The following LZTFL1 variants were observed in gnomAD, a reference collection of about 807,000 sequenced individuals.
The protein encoded by LZTFL1 is leucine zipper transcription factor like 1, also known as leucine zipper transcription factor-like protein 1.
LZTFL1 carries 25 observed loss-of-function variants against 45.9 expected under a neutral mutation model. That is an observed-to-expected ratio of 0.54 (90% CI 0.40 to 0.76). The LOEUF is 0.76. Among genes scored for constraint, LZTFL1 ranks in the 30% least tolerant of loss-of-function variants. The pLI is 0.00. For missense variants in LZTFL1, 277 were observed against 331.1 expected, an observed-to-expected ratio of 0.84 and a Z score of 1.27; for synonymous variants, 93 against 117.4, an observed-to-expected ratio of 0.79 and a Z score of 1.35.
At chr3:45,849,827 T>C (rs1701280981) in intron 4 of LZTFL1, among the ~76,000 whole-genome samples, 1 of 152,256 alleles carries the variant, frequency 6.6e-6, no homozygotes, top group Admixed American at 6.5e-5. Context: ...AATTTGGTTT[T>C]ATTTTAAAAT....
intron 4 of LZTFL1, among the ~76,000 whole-genome samples, chr3:45,847,822 T>C (rs930965011): frequency 6.6e-6 from 1 of 152,274 alleles, no homozygotes; most frequent in African/African-American, 2.4e-5. Flanking sequence ...ATTTTGGTGC[T>C]CATTTCTCTT....
chr3:45,835,533 C>T, intron 3 of LZTFL1, 57 bp downstream of exon 3: 1 of 1,525,668 alleles, frequency 6.6e-7, no homozygotes, highest in South Asian at 1.1e-5. Context: ...TGTTCACTAA[C>T]TTTTAAGATT....
At chr3:45,872,542 G>A (rs1365411382) in intron 2 of LZTFL1, among the ~76,000 whole-genome samples, 2 of 152,158 alleles carry the variant, frequency 1.3e-5, no homozygotes, top group African/African-American at 4.8e-5. Context: ...TGAGCATGAG[G>A]ACTTCCTGGG....
In LZTFL1 at chr3:45,824,956, A is replaced by T; in HGVS notation, c.*1358T>A. On this transcript the variant is annotated 3_prime_UTR_variant, in exon 10 of 10. Coordinates refer to ENST00000296135, the MANE Select transcript of LZTFL1 (RefSeq NM_020347.4). The stretch of plus-strand genomic sequence containing the variant: ...ATTCTCTCCCTTCTCTCATCCATTC[A>T]TCTTCTTAAGACTGCCTTCTGTGTC... 2.5e-6 allele frequency: 1 copy of T among 398,334 alleles called. No homozygotes were observed. Among genetic ancestry groups the T allele is most frequent in the Admixed American group, 4.4e-5 (1 of 22,726 alleles). The allele number at this position is 398,334 out of a possible 1,614,324, so 24.7% of individuals were successfully genotyped here. A position where few individuals can be genotyped will look rare whatever the true frequency, so the allele number is the denominator to read the frequency against.
At chr3:45,855,164 T>A (rs1701370191) in intron 3 of LZTFL1, 1 of 754,028 alleles carries the variant, frequency 1.3e-6, no homozygotes, top group East Asian at 2.8e-5. Flanking sequence ...AAATCCTCAA[T>A]AAAATACTGG....
intron 2 of LZTFL1, among the ~76,000 whole-genome samples, chr3:45,883,472 T>C (rs535357656): frequency 1.3e-5 from 2 of 152,316 alleles, no homozygotes; most frequent in South Asian, 4.1e-4. Context: ...TCTCAAACCT[T>C]TTCCTCAAAG....
intron 4 of LZTFL1, among the ~76,000 whole-genome samples, chr3:45,849,241 T>C (rs911488155): frequency 6.6e-6 from 1 of 152,140 alleles, no homozygotes; most frequent in Non-Finnish European, 1.5e-5. Context: ...GGAAAATCCC[T>C]GAATTGAACC....
At chr3:45,883,726 C>T in intron 2 of LZTFL1, 3 of 568,204 alleles carry the variant, frequency 5.3e-6, no homozygotes, top group Non-Finnish European at 9.8e-6. Context: ...GCTGAAAGTG[C>T]CAAAAGGCCT....
Position 45,826,284 on chromosome 3 carries a change from T to C in LZTFL1, c.*30A>G. On this transcript the variant is annotated 3_prime_UTR_variant, in exon 10 of 10. Transcript: ENST00000296135. ...AGGTGAGACTGCTTGTATGTTTGCA[T>C]GTGGTAGCTTCCAGAGGAAATCTTC... is the stretch of plus-strand genomic sequence containing the variant. 6.2e-7 allele frequency: 1 copy of C among 1,607,148 alleles called. No individual in the cohort carries two copies. Among genetic ancestry groups the C allele is most frequent in the Non-Finnish European group, 8.5e-7 (1 of 1,173,952 alleles).
chr3:45,827,010 T>C (rs552110747), intron 9 of LZTFL1: 17 of 216,366 alleles, frequency 7.9e-5, no homozygotes, highest in Non-Finnish European at 1.4e-4. Context: ...GACCAGTTCT[T>C]GGACTGCTTA....
chr3:45,893,000 A>C (rs535307467), intron 2 of LZTFL1, among the ~76,000 whole-genome samples: 120 of 152,306 alleles, frequency 7.9e-4, no homozygotes, highest in Admixed American at 2.7e-3. Flanking sequence ...AATAAACTGC[A>C]AATATTAAAA....
In LZTFL1 at chr3:45,901,279, A is replaced by G; in HGVS notation, c.-215+11841T>C. On this transcript the variant is annotated intron_variant, in intron 2 of 4. Transcript: ENST00000472635. The surrounding 1 kb of genome is among the most constrained non-coding windows in gnomAD (Gnocchi z 4.3). ...ACTTGGAGGGAGAAAAGGCTTTTGT[A>G]CAGCAAAATGGTTTGCTTTACCATC... 6.2e-7 allele frequency: 1 copy of G among 1,614,206 alleles called. No individual in the cohort carries two copies. The highest frequency in any genetic ancestry group is 8.5e-7 in the Non-Finnish European group (1 of 1,180,038).
chr3:45,894,250 C>T (rs756981898), intron 2 of LZTFL1, among the ~76,000 whole-genome samples: 1 of 152,198 alleles, frequency 6.6e-6, no homozygotes, highest in Non-Finnish European at 1.5e-5. Context: ...TTCTTCAGTA[C>T]ACAAACCTAG....
intron 2 of LZTFL1, among the ~76,000 whole-genome samples, chr3:45,875,805 TAGA>T (rs764783708): frequency 6.6e-6 from 1 of 152,200 alleles, no homozygotes; most frequent in African/African-American, 2.4e-5. Flanking sequence ...TGACCCAGAG[TAGA>T]AGGTTTTTTT....
rs538027366 is a variant in LZTFL1 at position 45,847,784 on chromosome 3, T to C, written c.-49+7202A>G. ...AACCTCACTGCATTTGCACAAAACA[T>C]TGGAGTTAGATAATCCTTTCCTATT... On this transcript the variant is annotated intron_variant, in intron 4 of 4. Coordinates refer to the LZTFL1 transcript ENST00000472635. Among the ~76,000 whole-genome samples the C allele has an allele frequency of 5.9e-5, 9 of 152,366 alleles. No individual in the cohort carries two copies. In the East Asian group the frequency reaches 7.7e-4, roughly 13 times the overall value.
At chr3:45,913,354 C>T (rs1217181558) in intron 1 of LZTFL1, among the ~76,000 whole-genome samples, 1 of 151,920 alleles carries the variant, frequency 6.6e-6, no homozygotes, top group African/African-American at 2.4e-5. Context: ...CTGACAAAGC[C>T]TATAGCCCCT....
intron 3 of LZTFL1, chr3:45,835,297 A>AT (rs374650953): frequency 7.7e-4 from 257 of 333,594 alleles, no homozygotes; most frequent in Middle Eastern, 6.8e-3. Context: ...ACTGATGGTA[A>AT]TACTGACCAA....
chr3:45,870,130 C>G (rs1289178141), intron 2 of LZTFL1, among the ~76,000 whole-genome samples: 4 of 152,244 alleles, frequency 2.6e-5, no homozygotes, highest in Non-Finnish European at 4.4e-5. Flanking sequence ...AGTGCCCGCT[C>G]TCAAGCTCAG....
chr3:45,834,616 G>A (rs748427139), intron 3 of LZTFL1: 11 of 198,968 alleles, frequency 5.5e-5, no homozygotes, highest in Non-Finnish European at 1.0e-4. Context: ...GTGCTATGAG[G>A]AGACTGTTTT....
Sources: allele counts gnomAD v4.1 joint callset (sites outside exome capture counted in the v4.1 genomes callset), GRCh38; gene constraint gnomAD v4.1.1; non-coding constraint Gnocchi (gnomAD v3.1); transcripts MANE v1.5; gene names NCBI Gene and HGNC (gene_info 2026-07-23, HGNC 2026-07-21).